Variants in AKR7A2 observed in about 807,000 individuals in gnomAD.
AKR7A2 encodes aflatoxin B1 aldehyde reductase member 2.
Under a neutral mutation model 37.3 loss-of-function variants are expected in AKR7A2, and 29 were observed. The observed-to-expected ratio is 0.78, with a 90% CI of 0.58 to 1.06. The LOEUF (loss-of-function observed/expected upper bound fraction) is 1.06. Ranked by LOEUF, AKR7A2 falls within the 50% of genes least tolerant of loss-of-function variation. The probability of loss-of-function intolerance (pLI) is 0.00; values close to 1 mark genes in which losing one functional copy is unlikely to be tolerated. For missense variants in AKR7A2, 529 were observed against 497.9 expected (o/e 1.06, Z -0.59); for synonymous variants, 228 against 217.8 (o/e 1.05, Z -0.41).
downstream of AKR7A2, among the ~76,000 whole-genome samples, chr1:19,303,053 A>G (rs2093755175): frequency 6.6e-6 from 1 of 152,136 alleles, no homozygotes; most frequent in Non-Finnish European, 1.5e-5. Context: ...TAACTGATAC[A>G]CCATTCCACA....
chr1:19,307,395 T>A lies in AKR7A2; in HGVS notation c.607A>T (p.Thr203Ser). Residue 203 changes from threonine to serine, a missense_variant, in exon 4 of 7, where the codon ACC becomes TCC. By Grantham distance (58) the Thr-to-Ser change is moderately conservative. Coordinates refer to ENST00000235835, the MANE Select transcript of AKR7A2 (RefSeq NM_003689.4). ...PTVYQGMYNA[T>S]TRQVETELFP... ...AGCTCCGTTTCCACCTGCCGGGTGG[T>A]GGCGTTGTACATGCCCTGCAGGGAG... is the stretch of plus-strand genomic sequence containing the variant. The A allele has an allele frequency of 6.2e-7, 1 of 1,614,026 alleles. No homozygotes were observed. Among genetic ancestry groups the A allele is most frequent in the Non-Finnish European group, 8.5e-7 (1 of 1,179,958 alleles).
At chr1:19,307,453 A>T in intron 3 of AKR7A2, 43 bp from the exon 4 acceptor site, 1 of 1,606,866 alleles carries the variant, frequency 6.2e-7, no homozygotes. Flanking sequence ...ACATGTCAAG[A>T]GAAGGAACTG....
At chr1:19,311,330 C>T (rs1417599907) in intron 1 of AKR7A2, among the ~76,000 whole-genome samples, 1 of 152,266 alleles carries the variant, frequency 6.6e-6, no homozygotes, top group East Asian at 1.9e-4. Flanking sequence ...CTCCCTAACA[C>T]TCCTACTCTC....
At chr1:19,305,281 A>G (rs553369354) in intron 6 of AKR7A2, 120 of 154,446 alleles carry the variant, frequency 7.8e-4, no homozygotes, top group Non-Finnish European at 1.4e-3. Flanking sequence ...TATGCCAGAC[A>G]CTATGCAACA....
chr1:19,305,931 C>G lies in AKR7A2; in HGVS notation c.918+87G>C, dbSNP rs2231205. ...AAGAAAGAAAAATTTCAGAGGAATT[C>G]AGAAATCAAATGCTTTGGGCTTCAC... On this transcript the variant is annotated intron_variant, in intron 6 of 6. Transcript: ENST00000235835. The G allele has an allele frequency of 3.1e-3, 4,935 of 1,606,516 alleles. 113 individuals are homozygous for G. In the East Asian group the frequency reaches 0.033, roughly 11 times the overall value.
At chr1:19,303,657 T>A (rs1458493043), downstream of AKR7A2, among the ~76,000 whole-genome samples, 1 of 152,220 alleles carries the variant, frequency 6.6e-6, no homozygotes, top group Non-Finnish European at 1.5e-5. Context: ...TGGTAGTGAC[T>A]CTAATGGTAG....
At chr1:19,310,722 C>A (rs2093771765) in intron 1 of AKR7A2, among the ~76,000 whole-genome samples, 1 of 152,010 alleles carries the variant, frequency 6.6e-6, no homozygotes, top group African/African-American at 2.4e-5. Flanking sequence ...GAACTAGAAA[C>A]AGCGTGGGCC....
Position 19,304,167 on chromosome 1 carries a change from G to A in AKR7A2, c.*58C>T, listed in dbSNP as rs1199809895. 2.5e-6 allele frequency: 4 copies of A among 1,613,378 alleles called. No homozygotes were observed. Among genetic ancestry groups the A allele is most frequent in the Non-Finnish European group, 3.4e-6 (4 of 1,179,376 alleles). ...GTCAGCTTAAGGCCAAGACTGGTCA[G>A]TGTGAGAGAACAAAAGAGGTGACAG... is the stretch of plus-strand genomic sequence containing the variant. On this transcript the variant is annotated 3_prime_UTR_variant, in exon 7 of 7. Coordinates refer to ENST00000235835, the MANE Select transcript of AKR7A2 (RefSeq NM_003689.4).
At chr1:19,302,717 G>A (rs141674746), downstream of AKR7A2, among the ~76,000 whole-genome samples, 17 of 150,426 alleles carry the variant, frequency 1.1e-4, no homozygotes, top group East Asian at 3.3e-3. Context: ...TTGAGATGGG[G>A]TCTGACTGTG....
At chr1:19,303,679 C>T (rs1472783675), downstream of AKR7A2, among the ~76,000 whole-genome samples, 6 of 152,170 alleles carry the variant, frequency 3.9e-5, no homozygotes, top group African/African-American at 9.7e-5. Context: ...TTCTTTGTCC[C>T]AGTTGTTTCA....
chr1:19,308,631 T>C lies in AKR7A2; in HGVS notation c.310A>G (p.Thr104Ala). 6.2e-7 allele frequency: 1 copy of C among 1,614,094 alleles called. No homozygotes were observed. Among genetic ancestry groups the C allele is most frequent in the Non-Finnish European group, 8.5e-7 (1 of 1,180,006 alleles). The part of the protein sequence containing the change: ...GGGDCRVKIA[T>A]KANPWDGKSL... The stretch of plus-strand genomic sequence containing the variant: ...TTTCCATCCCAAGGGTTGGCCTTGG[T>C]GGCAATTTTCACTTGGAGAGAGAAT... The change falls in exon 2 of 7, where the codon ACC (threonine) becomes GCC (alanine). Residue 104 changes from threonine to alanine, a missense_variant. Coordinates refer to ENST00000235835, the MANE Select transcript of AKR7A2 (RefSeq NM_003689.4).
At chr1:19,308,670 G>T in intron 1 of AKR7A2, 28 bp from the exon 2 acceptor site, 1 of 1,607,180 alleles carries the variant, frequency 6.2e-7, no homozygotes, top group Non-Finnish European at 8.5e-7. Context: ...ATGGTTAAGT[G>T]ACCTATTAGA....
At chr1:19,307,729 C>T in intron 3 of AKR7A2, 1 of 513,262 alleles carries the variant, frequency 1.9e-6, no homozygotes, top group Non-Finnish European at 3.5e-6. Context: ...CAGTTAATTA[C>T]AATAAAGTTA....
intron 6 of AKR7A2, 53 bp from the exon 7 acceptor site, chr1:19,304,439 C>T: frequency 6.2e-7 from 1 of 1,613,778 alleles, no homozygotes; most frequent in Non-Finnish European, 8.5e-7. Flanking sequence ...AGCGACTCCA[C>T]TCACAGCCGT....
intron 1 of AKR7A2, among the ~76,000 whole-genome samples, chr1:19,310,862 AG>A (rs766942735): frequency 1.3e-5 from 2 of 152,080 alleles, no homozygotes; most frequent in Admixed American, 6.5e-5. Context: ...AAGCATGGTA[AG>A]GGTAACAGCC....
rs374214238 is a variant in AKR7A2, at chr1:19,307,086, C to T, written c.704G>A (p.Gly235Asp). Residue 235 changes from glycine (G) to aspartate (D), a missense_variant, in exon 5 of 7, where the codon GGC becomes GAC. Gly to Asp is a moderately conservative substitution (Grantham distance 94). Transcript: ENST00000235835. Reference protein sequence around the residue: ...YNPLAGGLLTGKYKYEDKDGK... With the variant: ...YNPLAGGLLTDKYKYEDKDGK... Reference sequence around the variant, plus strand: ...GTCCTTGTCCTCATACTTGTACTTGCCAGTCAGCAGGCCCCCTGCGGGAAG... The same window carrying T: ...GTCCTTGTCCTCATACTTGTACTTGTCAGTCAGCAGGCCCCCTGCGGGAAG... The T allele has an allele frequency of 2.6e-5, 42 of 1,614,130 alleles. No individual in the cohort carries two copies. The highest frequency in any genetic ancestry group is 3.1e-5 in the Non-Finnish European group (37 of 1,180,046).
chr1:19,303,827 G>T (rs1036301991), downstream of AKR7A2: 13 of 303,088 alleles, frequency 4.3e-5, no homozygotes, highest in African/African-American at 2.8e-4. Flanking sequence ...CCAGGGGCCC[G>T]AGGAGACCCT....
In AKR7A2 at chr1:19,306,065, C is replaced by T. The variant is rs2093761034; in HGVS notation, c.871G>A (p.Val291Met). 2 of 1,614,034 alleles carry T rather than the reference C, an allele frequency of 1.2e-6. No individual in the cohort carries two copies. The highest frequency in any genetic ancestry group is 1.7e-5 in the Admixed American group (1 of 60,008). Reference protein sequence around the residue: ...QAAYGASAPSVTSAALRWMYH... With the variant: ...QAAYGASAPSMTSAALRWMYH... ...ATCCACCGGAGGGCAGCCGAGGTCA[C>T]ACTGGGGGCGCTGGCGCCATATGCG... The change falls in exon 6 of 7, where the codon GTG (valine) becomes ATG (methionine). Residue 291 changes from valine to methionine, a missense_variant. By Grantham distance (21) the Val-to-Met change is conservative. Coordinates refer to ENST00000235835, the MANE Select transcript of AKR7A2 (RefSeq NM_003689.4).
intron 1 of AKR7A2, among the ~76,000 whole-genome samples, chr1:19,310,769 C>T (rs542722317): frequency 7.4e-4 from 112 of 152,302 alleles, no homozygotes; most frequent in African/African-American, 2.3e-3. Flanking sequence ...CCCCGACCCC[C>T]CAAGCGCTAT....
Sources: gnomAD v4.1 joint callset for allele counts (sites outside exome capture counted in the v4.1 genomes callset) on GRCh38, gnomAD v4.1.1 for gene constraint, MANE v1.5 for transcripts, NCBI Gene and HGNC (gene_info 2026-07-23, HGNC 2026-07-21) for gene names.